Variants in CDK19 observed in about 807,000 individuals in gnomAD.
CDK19 encodes cyclin-dependent kinase 19.
Under a neutral mutation model 68.3 loss-of-function variants are expected in CDK19, and 20 were observed. The ratio of observed to expected loss-of-function variants is 0.29; its 90% CI spans 0.21 to 0.43. The LOEUF (loss-of-function observed/expected upper bound fraction) is 0.43, where lower values mean the gene tolerates loss of function less well. CDK19 is among the 20% of genes least tolerant of loss of function. The probability of loss-of-function intolerance (pLI) is 1.00; values close to 1 mark genes in which losing one functional copy is unlikely to be tolerated. For synonymous variants in CDK19, 221 were observed against 222.8 expected (o/e 0.99, Z 0.07); for missense variants, 339 against 623.5 (o/e 0.54, Z 4.86).
At chr6:110,778,440 C>T (rs933764460) in intron 1 of CDK19, among the ~76,000 whole-genome samples, 1 of 151,990 alleles carries the variant, frequency 6.6e-6, no homozygotes, top group South Asian at 2.1e-4. Context: ...AATTTTTGCC[C>T]CACTAAAACA....
Position 110,708,731 on chromosome 6 carries a change from G to A in CDK19, c.204+37395C>T, listed in dbSNP as rs189646464. Among the ~76,000 whole-genome samples the A allele has an allele frequency of 8.6e-4, 131 of 152,228 alleles. 1 individual carries two copies. The highest frequency in any genetic ancestry group is 5.2e-4 in the Admixed American group (8 of 15,272). On this transcript the variant is annotated intron_variant, in intron 2 of 12. Coordinates refer to ENST00000368911, the MANE Select transcript of CDK19 (RefSeq NM_015076.5). ...TTGCAAGGGTGATGTAAATTCTTCT[G>A]CATTCTATCATTTGGGTGTTTCAGC...
At chr6:110,794,739 CA>C (rs1362615056) in intron 1 of CDK19, among the ~76,000 whole-genome samples, 1 of 151,194 alleles carries the variant, frequency 6.6e-6, no homozygotes, top group African/African-American at 2.4e-5. Flanking sequence ...ATTTCTATAC[CA>C]AAACACAACA....
At chr6:110,788,740 TTC>T (rs769293094) in intron 1 of CDK19, among the ~76,000 whole-genome samples, 1 of 151,810 alleles carries the variant, frequency 6.6e-6, no homozygotes, top group Non-Finnish European at 1.5e-5. Flanking sequence ...CTTCACAAAT[TTC>T]TTTTTCTTTT....
Position 110,621,256 on chromosome 6 carries a change from C to T in CDK19, c.1225G>A (p.Ala409Thr), listed in dbSNP as rs570611641. The T allele has an allele frequency of 2.2e-5, 35 of 1,613,024 alleles. No individual in the cohort carries two copies. Among genetic ancestry groups the T allele is most frequent in the Middle Eastern group, 1.8e-4 (1 of 5,622 alleles). The change falls in exon 12 of 13, where the codon GCA (alanine) becomes ACA (threonine). Residue 409 changes from alanine (A) to threonine (T), a missense_variant. Physicochemically the swap from Ala to Thr is moderately conservative, Grantham distance 58. Coordinates refer to ENST00000368911, the MANE Select transcript of CDK19 (RefSeq NM_015076.5). The surrounding 1 kb of genome is among the most constrained non-coding windows in gnomAD (Gnocchi z 5.4). ...QQNSTQTNGT[A>T]GGAGAGVGGT... ...CCGACCCCGGCCCCAGCCCCACCTGCGGTCCCGTTGGTCTGGGTGCTGTTC... is the reference window on the plus strand; with the variant it reads ...CCGACCCCGGCCCCAGCCCCACCTGTGGTCCCGTTGGTCTGGGTGCTGTTC...
chr6:110,746,090 A>G (rs767494654), intron 2 of CDK19, 36 bp downstream of exon 2: 1 of 1,086,872 alleles, frequency 9.2e-7, no homozygotes, highest in South Asian at 1.6e-5. Context: ...CCCAATATCA[A>G]TAATAAAATA....
At chr6:110,662,181 G>T (rs1162511477) in intron 4 of CDK19, among the ~76,000 whole-genome samples, 1 of 152,042 alleles carries the variant, frequency 6.6e-6, no homozygotes, top group Admixed American at 6.6e-5. Flanking sequence ...TATTGTCCAG[G>T]CTGGTCTCAA....
chr6:110,814,606 C>A, intron 1 of CDK19: 2 of 464,988 alleles, frequency 4.3e-6, no homozygotes, highest in South Asian at 3.1e-5. Context: ...ATTGGAAGTT[C>A]CACAACGACC....
At chr6:110,808,285 C>T (rs1313999879) in intron 1 of CDK19, among the ~76,000 whole-genome samples, 2 of 152,178 alleles carry the variant, frequency 1.3e-5, no homozygotes, top group Admixed American at 6.5e-5. Flanking sequence ...TTGGACAGCA[C>T]AGATGCTAAA....
intron 1 of CDK19, among the ~76,000 whole-genome samples, chr6:110,765,074 T>C (rs1183319139): frequency 6.7e-6 from 1 of 150,306 alleles, no homozygotes; most frequent in African/African-American, 2.4e-5. Flanking sequence ...ATTTGGGAAG[T>C]GGGACTTGAC....
At chr6:110,746,852 T>C (rs532952937) in intron 1 of CDK19, among the ~76,000 whole-genome samples, 9 of 152,330 alleles carry the variant, frequency 5.9e-5, no homozygotes, top group East Asian at 3.9e-4. Flanking sequence ...ATCCCAACAG[T>C]TACTAAGTTG....
At chr6:110,766,439 G>A in intron 1 of CDK19, among the ~76,000 whole-genome samples, 1 of 152,048 alleles carries the variant, frequency 6.6e-6, no homozygotes, top group East Asian at 1.9e-4. Flanking sequence ...TTATCTGGGT[G>A]TGGTGGCAGG....
At chr6:110,772,688 T>C (rs982582281) in intron 1 of CDK19, among the ~76,000 whole-genome samples, 7 of 152,154 alleles carry the variant, frequency 4.6e-5, no homozygotes, top group African/African-American at 1.7e-4. Flanking sequence ...AGGCCACAAG[T>C]TCCAGACCAG....
At chr6:110,746,264 A>T in intron 1 of CDK19, 63 bp from the exon 2 acceptor site, 1 of 976,790 alleles carries the variant, frequency 1.0e-6, no homozygotes, top group South Asian at 1.4e-5. Flanking sequence ...AATTATAACT[A>T]CAAAAACAAT....
intron 1 of CDK19, among the ~76,000 whole-genome samples, chr6:110,780,500 A>T (rs1293445439): frequency 6.6e-6 from 1 of 151,890 alleles, no homozygotes; most frequent in Non-Finnish European, 1.5e-5. Flanking sequence ...TTTTATTTAA[A>T]TTTATTTTAA....
chr6:110,618,771 C>G (rs1269241604), intron 12 of CDK19, among the ~76,000 whole-genome samples: 1 of 152,026 alleles, frequency 6.6e-6, no homozygotes, highest in Non-Finnish European at 1.5e-5. Flanking sequence ...ATAGCTCCCT[C>G]CCGCAAGACC....
chr6:110,645,186 C>A (rs1489016858), intron 4 of CDK19, among the ~76,000 whole-genome samples: 1 of 152,146 alleles, frequency 6.6e-6, no homozygotes, highest in Admixed American at 6.5e-5. Flanking sequence ...GGAACATTTA[C>A]AAATACTGAT....
At chr6:110,685,914 G>A (rs766229091) in intron 2 of CDK19, among the ~76,000 whole-genome samples, 29 of 152,078 alleles carry the variant, frequency 1.9e-4, no homozygotes, top group East Asian at 9.6e-4. Context: ...CATAATTGGC[G>A]TATGTATGGC....
In CDK19 at chr6:110,748,782, G is replaced by GT. The variant is rs1398966313; in HGVS notation, c.129-2582dup. Among the ~76,000 whole-genome samples the GT allele has an allele frequency of 3.9e-5, 6 of 152,340 alleles. No homozygotes were observed. The East Asian group carries it at 9.6e-4, about 24-fold the overall frequency. ...GCTTTATTGCTCTCATCCCACGTGA[G>GT]TGCCCCTCTCCAGGAGTTCCTCCAA... On this transcript the variant is annotated intron_variant, in intron 1 of 12. Coordinates refer to ENST00000368911, the MANE Select transcript of CDK19 (RefSeq NM_015076.5).
intron 1 of CDK19, among the ~76,000 whole-genome samples, chr6:110,753,452 T>G (rs984095191): frequency 6.6e-6 from 1 of 151,614 alleles, no homozygotes; most frequent in African/African-American, 2.4e-5. Context: ...AGCGCGATCA[T>G]GGCTCACTAC....
Sources: gnomAD v4.1 joint callset for allele counts (sites outside exome capture counted in the v4.1 genomes callset) on GRCh38, gnomAD v4.1.1 for gene constraint, Gnocchi (gnomAD v3.1) non-coding constraint, MANE v1.5 for transcripts, NCBI Gene and HGNC (gene_info 2026-07-23, HGNC 2026-07-21) for gene names.